The following PPP2R2B variants were observed in gnomAD, a reference collection of about 807,000 sequenced individuals.
The protein encoded by PPP2R2B is protein phosphatase 2 regulatory subunit Bbeta, also known as serine/threonine-protein phosphatase 2A 55 kDa regulatory subunit B beta isoform.
PPP2R2B carries 5 observed loss-of-function variants against 46.0 expected under a neutral mutation model. That is an observed-to-expected ratio of 0.11 (90% CI 0.06 to 0.23). The LOEUF (loss-of-function observed/expected upper bound fraction) is 0.23, where lower values mean the gene tolerates loss of function less well. Ranked by LOEUF, PPP2R2B falls within the 10% of genes least tolerant of loss-of-function variation. The probability of loss-of-function intolerance (pLI) is 1.00; values close to 1 mark genes in which losing one functional copy is unlikely to be tolerated. For missense variants in PPP2R2B, 367 were observed against 575.0 expected (o/e 0.64, Z 3.70); for synonymous variants, 215 against 206.7 (o/e 1.04, Z -0.34).
chr5:146,978,583 C>T (rs1753022969), intron 1 of PPP2R2B, among the ~76,000 whole-genome samples: 1 of 152,170 alleles, frequency 6.6e-6, no homozygotes, highest in African/African-American at 2.4e-5. Flanking sequence ...CAGTTTTCTG[C>T]ATATGGCTAG....
intron 9 of PPP2R2B, among the ~76,000 whole-genome samples, chr5:146,591,078 G>GGT (rs1770602682): frequency 6.6e-6 from 1 of 152,074 alleles, no homozygotes; most frequent in African/African-American, 2.4e-5. Context: ...GACAAGCTGA[G>GGT]GTGGGGAGGG....
intron 1 of PPP2R2B, among the ~76,000 whole-genome samples, chr5:147,037,713 A>G (rs1204324977): frequency 1.3e-5 from 2 of 152,132 alleles, no homozygotes; most frequent in Admixed American, 1.3e-4. Flanking sequence ...GATGAGTCAG[A>G]CTGGGAGCAG....
chr5:146,962,385 G>T (rs1345073852), intron 1 of PPP2R2B, among the ~76,000 whole-genome samples: 1 of 151,980 alleles, frequency 6.6e-6, no homozygotes, highest in African/African-American at 2.4e-5. Context: ...GCGGCTGGGT[G>T]TGGTGGCTCA....
At chr5:146,615,442 T>C (rs1222131805) in intron 7 of PPP2R2B, among the ~76,000 whole-genome samples, 2 of 117,408 alleles carry the variant, frequency 1.7e-5, no homozygotes, top group African/African-American at 7.1e-5. Flanking sequence ...GCATGGCACA[T>C]GTATACATAT....
intron 2 of PPP2R2B, among the ~76,000 whole-genome samples, chr5:146,720,498 G>T (rs1780733718): frequency 1.3e-5 from 2 of 152,282 alleles, no homozygotes; most frequent in African/African-American, 2.4e-5. Flanking sequence ...ATATCATATG[G>T]ACCATTAGTT....
chr5:146,957,823 G>A (rs1751984146), intron 1 of PPP2R2B, among the ~76,000 whole-genome samples: 1 of 152,126 alleles, frequency 6.6e-6, no homozygotes, highest in Non-Finnish European at 1.5e-5. Context: ...CTAGAGGAGA[G>A]GAAGTGGGAA....
intron 1 of PPP2R2B, among the ~76,000 whole-genome samples, chr5:146,945,688 T>C (rs1481409506): frequency 2.0e-5 from 3 of 152,156 alleles, no homozygotes; most frequent in Non-Finnish European, 4.4e-5. Flanking sequence ...TAGAGGACAG[T>C]GGGGGAAAGC....
chr5:146,765,019 CAT>C (rs959714307), intron 2 of PPP2R2B, among the ~76,000 whole-genome samples: 40 of 152,242 alleles, frequency 2.6e-4, no homozygotes, highest in African/African-American at 9.4e-4. Context: ...GTAGAAAACA[CAT>C]AGAGGTTTCA....
At chr5:146,607,546 C>G (rs1772408399) in intron 7 of PPP2R2B, 1 of 152,210 alleles carries the variant, frequency 6.6e-6, no homozygotes, top group Non-Finnish European at 1.5e-5. Context: ...AAAAGTTAAT[C>G]TAGAAGAAAT....
chr5:146,590,554 C>T (rs918998610), intron 9 of PPP2R2B, among the ~76,000 whole-genome samples: 4 of 152,120 alleles, frequency 2.6e-5, no homozygotes, highest in South Asian at 2.1e-4. Flanking sequence ...TTTTAATGAT[C>T]CCAGTCCTAC....
At chr5:147,037,497 T>G (rs1756098607) in intron 1 of PPP2R2B, among the ~76,000 whole-genome samples, 1 of 152,126 alleles carries the variant, frequency 6.6e-6, no homozygotes, top group Non-Finnish European at 1.5e-5. Flanking sequence ...AATACATTTA[T>G]GTATTCAGGT....
chr5:146,684,993 G>A lies in PPP2R2B; in HGVS notation c.447+6135C>T, dbSNP rs115244043. 5.4e-3 allele frequency among the ~76,000 whole-genome samples: 818 copies of A among 152,288 alleles called. 11 individuals are homozygous for A. The highest frequency in any genetic ancestry group is 0.017 in the African/African-American group (726 of 41,556). The stretch of plus-strand genomic sequence containing the variant: ...AATTCATTTTATGTTTCAGCCACTT[G>A]TAACTTGTCTCCTCCATGCCCCCTA... On this transcript the variant is annotated intron_variant, in intron 5 of 9. Coordinates refer to ENST00000394411, the MANE Select transcript of PPP2R2B (RefSeq NM_181675.4).
At chr5:146,721,640 C>A (rs1780803230) in intron 2 of PPP2R2B, among the ~76,000 whole-genome samples, 1 of 152,240 alleles carries the variant, frequency 6.6e-6, no homozygotes, top group Non-Finnish European at 1.5e-5. Context: ...CAGGCTGCCG[C>A]CCTGTGCGCT....
intron 1 of PPP2R2B, among the ~76,000 whole-genome samples, chr5:146,955,757 T>G: frequency 6.6e-6 from 1 of 150,748 alleles, no homozygotes; most frequent in African/African-American, 2.4e-5. Flanking sequence ...TCATTAACAA[T>G]AGTCTTCTTT....
At chr5:146,917,856 C>T (rs1188060855) in intron 1 of PPP2R2B, 1 of 152,110 alleles carries the variant, frequency 6.6e-6, no homozygotes, top group Non-Finnish European at 1.5e-5. Flanking sequence ...ATTTGCTACT[C>T]AAGGATGCGA....
chr5:146,822,228 G>A lies in PPP2R2B; in HGVS notation c.70+55774C>T, dbSNP rs1489271302. 2.0e-5 allele frequency among the ~76,000 whole-genome samples: 3 copies of A among 152,216 alleles called. No individual in the cohort carries two copies. The East Asian group carries it at 5.8e-4, about 29-fold the overall frequency. ...AGAGCAGAGCCTTGCAAATGAGGAT[G>A]AACATTTGAAAGAGCGATCTTCTGG... On this transcript the variant is annotated intron_variant, in intron 2 of 9. Transcript: ENST00000394411.
At chr5:146,701,183 CT>C in intron 2 of PPP2R2B, 41 bp from the exon 3 acceptor site, 2 of 1,454,830 alleles carry the variant, frequency 1.4e-6, no homozygotes. Context: ...TAACTGCACA[CT>C]TACTTTGAAA....
At chr5:146,971,500 C>T (rs934705123) in intron 1 of PPP2R2B, among the ~76,000 whole-genome samples, 2 of 152,124 alleles carry the variant, frequency 1.3e-5, no homozygotes, top group South Asian at 2.1e-4. Context: ...TCATTAAGTC[C>T]CTAGTGATGT....
chr5:146,778,307 A>T (rs1232806688), intron 2 of PPP2R2B, among the ~76,000 whole-genome samples: 1 of 152,190 alleles, frequency 6.6e-6, no homozygotes, highest in Non-Finnish European at 1.5e-5. Flanking sequence ...AGATTCCTCT[A>T]TGAAATTGTA....
Sources: gnomAD v4.1 joint callset for allele counts (sites outside exome capture counted in the v4.1 genomes callset) on GRCh38, gnomAD v4.1.1 for gene constraint, MANE v1.5 for transcripts, NCBI Gene and HGNC (gene_info 2026-07-23, HGNC 2026-07-21) for gene names.